The following METTL15 variants were observed in gnomAD, a reference collection of about 807,000 sequenced individuals.
METTL15 encodes the protein 12S rRNA N(4)-cytidine methyltransferase METTL15.
A neutral mutation model predicts 38.3 loss-of-function variants in METTL15; 34 were observed. The ratio of observed to expected loss-of-function variants is 0.89; its 90% CI spans 0.68 to 1.18. The LOEUF is 1.18. Among genes scored for constraint, METTL15 ranks in the 50% most tolerant of loss-of-function variants. METTL15 has a pLI of 0.00. For missense variants in METTL15, 438 were observed against 498.4 expected, an observed-to-expected ratio of 0.88 and a Z score of 1.15; for synonymous variants, 162 against 170.9, an observed-to-expected ratio of 0.95 and a Z score of 0.41.
At chr11:28,240,687 T>G (rs1436414491) in intron 4 of METTL15, among the ~76,000 whole-genome samples, 1 of 152,186 alleles carries the variant, frequency 6.6e-6, no homozygotes, top group Non-Finnish European at 1.5e-5. Context: ...CATTGATGTA[T>G]TGGCAATCTT....
At chr11:28,357,842 A>AT (rs1303065194) in intron 4 of METTL15, among the ~76,000 whole-genome samples, 2 of 152,060 alleles carry the variant, frequency 1.3e-5, no homozygotes, top group East Asian at 1.9e-4. Flanking sequence ...GGCTCTGATC[A>AT]TTTTTTTGTA....
chr11:28,236,773 A>G (rs944146829), intron 4 of METTL15, among the ~76,000 whole-genome samples: 1 of 152,020 alleles, frequency 6.6e-6, no homozygotes, highest in African/African-American at 2.4e-5. Context: ...TGCTTCCTTC[A>G]GGAGCTCTTT....
intron 6 of METTL15, among the ~76,000 whole-genome samples, chr11:28,327,209 C>T (rs1272611429): frequency 2.0e-5 from 3 of 152,122 alleles, no homozygotes; most frequent in Non-Finnish European, 4.4e-5. Context: ...GTTGACAGGA[C>T]GACATCTAGA....
chr11:28,172,143 T>C (rs1850882497), intron 3 of METTL15, among the ~76,000 whole-genome samples: 1 of 152,158 alleles, frequency 6.6e-6, no homozygotes, highest in Non-Finnish European at 1.5e-5. Context: ...GACAAATTAA[T>C]ATTTCTGATT....
In METTL15 at chr11:28,380,237, G is replaced by A. The variant is rs915520983; in HGVS notation, c.*358+18201G>A. On this transcript the variant is annotated intron_variant and NMD_transcript_variant, in intron 5 of 7. Coordinates refer to the METTL15 transcript ENST00000532947. The stretch of plus-strand genomic sequence containing the variant: ...GGCTGGAGTACAGTGGCACAATCTC[G>A]GCTCACTGCAAGCTCTGCTTCCTGG... Among the ~76,000 whole-genome samples, 15 of 142,808 alleles carry A rather than the reference G, an allele frequency of 1.1e-4. 1 individual carries two copies. The highest frequency in any genetic ancestry group is 8.3e-4 in the Admixed American group (11 of 13,284). The allele number at this position is 142,808 out of a possible 152,430, so 93.7% of individuals were successfully genotyped here.
intron 6 of METTL15, among the ~76,000 whole-genome samples, chr11:28,522,652 T>C (rs907146122): frequency 6.6e-6 from 1 of 152,126 alleles, no homozygotes; most frequent in Admixed American, 6.5e-5. Flanking sequence ...AATTTCACCA[T>C]CACAAGAAGG....
intron 4 of METTL15, among the ~76,000 whole-genome samples, chr11:28,224,800 A>C (rs1218744658): frequency 1.3e-5 from 2 of 151,778 alleles, no homozygotes; most frequent in Non-Finnish European, 3.0e-5. Context: ...TTTTCTATAA[A>C]AGGGTAATTA....
intron 5 of METTL15, among the ~76,000 whole-genome samples, chr11:28,372,638 C>CT (rs1285783440): frequency 6.7e-6 from 1 of 149,670 alleles, no homozygotes; most frequent in Non-Finnish European, 1.5e-5. Flanking sequence ...TATTATTATA[C>CT]TTTAAGTTTT....
chr11:28,485,185 GC>G (rs1851428575), intron 6 of METTL15, among the ~76,000 whole-genome samples: 1 of 151,786 alleles, frequency 6.6e-6, no homozygotes, highest in East Asian at 1.9e-4. Flanking sequence ...TCTTGTTTCA[GC>G]TGTTTATTTG....
At chr11:28,201,691 T>G (rs1852122948) in intron 3 of METTL15, among the ~76,000 whole-genome samples, 2 of 151,992 alleles carry the variant, frequency 1.3e-5, no homozygotes, top group African/African-American at 4.8e-5. Flanking sequence ...TAGTATTTTC[T>G]GATGGTAGTT....
At chr11:28,153,757 A>G (rs1850171485) in intron 3 of METTL15, among the ~76,000 whole-genome samples, 1 of 152,120 alleles carries the variant, frequency 6.6e-6, no homozygotes, top group African/African-American at 2.4e-5. Context: ...AACAGATAAA[A>G]TATTATACTC....
intron 6 of METTL15, among the ~76,000 whole-genome samples, chr11:28,480,080 G>C (rs1181510753): frequency 6.6e-6 from 1 of 152,140 alleles, no homozygotes; most frequent in Non-Finnish European, 1.5e-5. Flanking sequence ...GTTGTATGTA[G>C]CTTATTTCCT....
At chr11:28,455,626 G>A (rs1851161426) in intron 6 of METTL15, among the ~76,000 whole-genome samples, 1 of 152,222 alleles carries the variant, frequency 6.6e-6, no homozygotes, top group Admixed American at 6.5e-5. Flanking sequence ...CTTTTGCAAT[G>A]TGACCTGCTA....
chr11:28,152,706 G>C (rs1171767336), intron 3 of METTL15, among the ~76,000 whole-genome samples: 1 of 151,942 alleles, frequency 6.6e-6, no homozygotes, highest in African/African-American at 2.4e-5. Flanking sequence ...GTATATAACT[G>C]TTACAGGAAA....
In METTL15 at chr11:28,124,210, T is replaced by C. The variant is rs143080688; in HGVS notation, c.270+10606T>C. On this transcript the variant is annotated intron_variant, in intron 3 of 6. Coordinates refer to ENST00000407364, the MANE Select transcript of METTL15 (RefSeq NM_001113528.2). ...TATGCTTTTTCCCCTCAAACCTAAG[T>C]GTTCTTATGTTCTAGAGGACACCCT... Among the ~76,000 whole-genome samples the C allele has an allele frequency of 4.6e-3, 706 of 152,156 alleles. 5 individuals carry two copies. Among genetic ancestry groups the C allele is most frequent in the Middle Eastern group, 0.014 (4 of 294 alleles).
chr11:28,302,683 A>T (rs1245128733), intron 6 of METTL15, among the ~76,000 whole-genome samples: 1 of 152,144 alleles, frequency 6.6e-6, no homozygotes, highest in Non-Finnish European at 1.5e-5. Flanking sequence ...AGTCTTGGGT[A>T]TGTCTTTATC....
intron 6 of METTL15, among the ~76,000 whole-genome samples, chr11:28,327,191 T>A (rs889835018): frequency 6.6e-6 from 1 of 152,132 alleles, no homozygotes; most frequent in East Asian, 1.9e-4. Context: ...AAGATGGGAC[T>A]TAGTGAGGTT....
At chr11:28,379,124 A>C (rs894817862) in intron 5 of METTL15, among the ~76,000 whole-genome samples, 3 of 151,098 alleles carry the variant, frequency 2.0e-5, no homozygotes, top group Non-Finnish European at 3.0e-5. Flanking sequence ...TTCCTCCCTA[A>C]ATGTTTGTTG....
intron 6 of METTL15, among the ~76,000 whole-genome samples, chr11:28,444,105 A>G (rs1851056706): frequency 6.6e-6 from 1 of 152,168 alleles, no homozygotes; most frequent in African/African-American, 2.4e-5. Context: ...GCAACTCATT[A>G]TCATTGGACA....
Sources: allele counts gnomAD v4.1 joint callset (sites outside exome capture counted in the v4.1 genomes callset), GRCh38; gene constraint gnomAD v4.1.1; transcripts MANE v1.5; gene names NCBI Gene and HGNC (gene_info 2026-07-23, HGNC 2026-07-21).